MAPT: variants seen among roughly 807,000 people sequenced by gnomAD.
MAPT encodes the protein microtubule associated protein tau.
MAPT carries 34 observed loss-of-function variants against 67.9 expected under a neutral mutation model. The ratio of observed to expected loss-of-function variants is 0.50; its 90% CI spans 0.38 to 0.67. MAPT has a LOEUF of 0.67. MAPT is among the 30% of genes least tolerant of loss of function. The pLI is 0.00. For missense variants in MAPT, 881 were observed against 1,115.2 expected (o/e 0.79, Z 2.99); for synonymous variants, 456 against 464.5 (o/e 0.98, Z 0.23).
chr17:46,003,099 C>T (rs1399290083), intron 9 of MAPT, among the ~76,000 whole-genome samples: 6 of 145,278 alleles, frequency 4.1e-5, no homozygotes, highest in African/African-American at 5.1e-5. Flanking sequence ...TTTTTAAGGG[C>T]GTGTGTGTGT....
intron 1 of MAPT, among the ~76,000 whole-genome samples, chr17:45,944,610 C>A (rs763780907): frequency 8.5e-5 from 13 of 152,184 alleles, no homozygotes; most frequent in Non-Finnish European, 1.8e-4. Flanking sequence ...CAGGGTAGAG[C>A]GGGCCTCCCC....
chr17:46,021,419 A>G (rs1187719032), intron 12 of MAPT, among the ~76,000 whole-genome samples: 1 of 152,194 alleles, frequency 6.6e-6, no homozygotes, highest in Non-Finnish European at 1.5e-5. Context: ...AGGGCCTCCC[A>G]GCCTCGGGGC....
chr17:45,997,961 G>T (rs1335065317), intron 9 of MAPT, among the ~76,000 whole-genome samples: 1 of 152,104 alleles, frequency 6.6e-6, no homozygotes, highest in African/African-American at 2.4e-5. Context: ...CCCCGCTCCC[G>T]CCACCCAGCA....
At chr17:46,014,101 TGTCCAATAA>T (rs1489606797) in intron 10 of MAPT, 133 bp from the exon 11 acceptor site, 1 of 694,742 alleles carries the variant, frequency 1.4e-6, no homozygotes, top group Non-Finnish European at 2.6e-6. Context: ...TGGGAACCAC[TGTCCAATAA>T]GGGCCTGGGC....
At chr17:45,942,315 T>C (rs1419430154) in intron 1 of MAPT, among the ~76,000 whole-genome samples, 1 of 152,214 alleles carries the variant, frequency 6.6e-6, no homozygotes. Flanking sequence ...CGTTTCTTCT[T>C]CCTTACAAAG....
intron 1 of MAPT, among the ~76,000 whole-genome samples, chr17:45,905,106 C>T (rs2064215159): frequency 6.6e-6 from 1 of 152,230 alleles, no homozygotes; most frequent in South Asian, 2.1e-4. Flanking sequence ...GCGGCTCAGC[C>T]TCTGCCTCTG....
intron 6 of MAPT, among the ~76,000 whole-genome samples, chr17:45,988,439 A>G (rs1218026868): frequency 6.6e-6 from 1 of 151,794 alleles, no homozygotes; most frequent in Non-Finnish European, 1.5e-5. Context: ...ACCCGTCAAA[A>G]TCCCCCACGG....
intron 3 of MAPT, chr17:45,974,337 G>A: frequency 7.5e-7 from 1 of 1,334,996 alleles, no homozygotes; most frequent in Non-Finnish European, 1.1e-6. Flanking sequence ...TGAGGGGCTG[G>A]GTATGGCTCG....
chr17:45,996,813 G>A lies in MAPT; in HGVS notation c.1998+149G>A, dbSNP rs2074521740. On this transcript the variant is annotated intron_variant, in intron 9 of 12. Coordinates refer to ENST00000262410, the MANE Select transcript of MAPT (RefSeq NM_001377265.1). This position sits in a 1 kb window ranked among gnomAD's most constrained non-coding sequence, Gnocchi z 4.5. Reference sequence around the variant, plus strand: ...TGGAGGTGTGGGGCTCCCCGCACCTGAGCACCCCCGCATAACACCCCAGTC... The same window carrying A: ...TGGAGGTGTGGGGCTCCCCGCACCTAAGCACCCCCGCATAACACCCCAGTC... The A allele has an allele frequency of 1.8e-6, 2 of 1,095,430 alleles. No homozygotes were observed. Among genetic ancestry groups the A allele is most frequent in the Non-Finnish European group, 1.3e-6 (1 of 774,370 alleles). The allele number at this position is 1,095,430 out of a possible 1,614,324, so 67.9% of individuals were successfully genotyped here.
At chr17:46,013,205 T>C (rs1378679148) in intron 10 of MAPT, among the ~76,000 whole-genome samples, 1 of 151,834 alleles carries the variant, frequency 6.6e-6, no homozygotes, top group Non-Finnish European at 1.5e-5. Context: ...AGGTGGGAGG[T>C]GGCTGCCCCC....
At position 46,010,499 on chromosome 17, in the gene MAPT, T is replaced by A; in HGVS notation, c.2091+97T>A. ...CTTGCGAGACACTGCATAGAATAAA[T>A]CCTTCTTGGGCTCTCAGGATCTGGC... is the stretch of plus-strand genomic sequence containing the variant. On this transcript the variant is annotated intron_variant, in intron 10 of 12. Transcript: ENST00000262410. This position sits in a 1 kb window ranked among gnomAD's most constrained non-coding sequence, Gnocchi z 4.7. The A allele has an allele frequency of 1.1e-6, 1 of 902,142 alleles. No individual in the cohort carries two copies. Among genetic ancestry groups the A allele is most frequent in the South Asian group, 1.4e-5 (1 of 71,276 alleles). 55.9% of individuals were successfully genotyped at this position (902,142 alleles called of 1,614,324 possible).
intron 1 of MAPT, chr17:45,907,952 T>C (rs893527046): frequency 1.3e-5 from 2 of 152,366 alleles, no homozygotes; most frequent in African/African-American, 4.8e-5. Context: ...CCGCTTGCCT[T>C]CCTGCCTCTG....
At chr17:45,937,612 A>C (rs796317124) in intron 1 of MAPT, among the ~76,000 whole-genome samples, 1 of 150,508 alleles carries the variant, frequency 6.6e-6, no homozygotes, top group African/African-American at 2.4e-5. Flanking sequence ...AAAAAAAAAG[A>C]AAGGAGAGAG....
intron 4 of MAPT, among the ~76,000 whole-genome samples, chr17:45,981,473 GCAGTGGTCCTGAGGGCCGT>G (rs1339186172): frequency 2.0e-5 from 3 of 152,194 alleles, no homozygotes; most frequent in Non-Finnish European, 2.9e-5. Context: ...CCAGGGGACA[GCAGTGGTCCTGAGGGCCGT>G]CACTGTCTGC....
At chr17:46,016,957 AC>A (rs1381043712) in intron 11 of MAPT, among the ~76,000 whole-genome samples, 2 of 151,974 alleles carry the variant, frequency 1.3e-5, no homozygotes, top group African/African-American at 4.8e-5. Flanking sequence ...CTGTCACCCC[AC>A]CCCGAGAGTC....
At chr17:45,976,486 T>TTGAGAG (rs2072369962) in intron 3 of MAPT, 1 of 152,254 alleles carries the variant, frequency 6.6e-6, no homozygotes, top group Non-Finnish European at 1.5e-5. Flanking sequence ...GGTGCATGTG[T>TTGAGAG]CTTCAGCTAC....
chr17:46,014,938 G>A (rs2076073697), intron 11 of MAPT, among the ~76,000 whole-genome samples: 2 of 151,868 alleles, frequency 1.3e-5, no homozygotes, highest in Non-Finnish European at 2.9e-5. Context: ...ATAGAGAATA[G>A]AAGGATGGTT....
In MAPT at chr17:45,906,099, CCTT is replaced by C. The variant is rs1326642621; in HGVS notation, c.-18+11417_-18+11419del. Among the ~76,000 whole-genome samples, 5 of 152,146 alleles carry C rather than the reference CCTT, an allele frequency of 3.3e-5. No individual in the cohort carries two copies. Among genetic ancestry groups the C allele is most frequent in the Admixed American group, 6.6e-5 (1 of 15,266 alleles). On this transcript the variant is annotated intron_variant, in intron 1 of 12. Coordinates refer to ENST00000262410, the MANE Select transcript of MAPT (RefSeq NM_001377265.1). This position sits in a 1 kb window ranked among gnomAD's most constrained non-coding sequence, Gnocchi z 4.3. ...CAGCCTGCACTGATCTTGTCTGTCC[CCTT>C]CTTTGGAAGGAAGGAGCCCCAAACC...
chr17:45,990,988 C>T (rs1353480781), intron 7 of MAPT, among the ~76,000 whole-genome samples: 1 of 152,202 alleles, frequency 6.6e-6, no homozygotes, highest in East Asian at 1.9e-4. Context: ...AATGAAAGAA[C>T]ACGACCTAGC....
Sources: allele counts gnomAD v4.1 joint callset (sites outside exome capture counted in the v4.1 genomes callset), GRCh38; gene constraint gnomAD v4.1.1; non-coding constraint Gnocchi (gnomAD v3.1); transcripts MANE v1.5; gene names NCBI Gene and HGNC (gene_info 2026-07-23, HGNC 2026-07-21).